CACNA2D3: variants seen among roughly 807,000 people sequenced by gnomAD.
CACNA2D3 encodes the protein calcium voltage-gated channel auxiliary subunit alpha2delta 3, also known as voltage-dependent calcium channel subunit alpha-2/delta-3.
CACNA2D3 carries 60 observed loss-of-function variants against 160.6 expected under a neutral mutation model. The observed-to-expected ratio is 0.37, with a 90% CI of 0.30 to 0.46. The LOEUF is 0.46. Among genes scored for constraint, CACNA2D3 ranks in the 20% least tolerant of loss-of-function variants. The pLI, the probability that CACNA2D3 is intolerant of heterozygous loss-of-function variation, is 1.00. For synonymous variants in CACNA2D3, 558 were observed against 492.9 expected, an observed-to-expected ratio of 1.13 and a Z score of -1.75; for missense variants, 1,205 against 1,365.0, an observed-to-expected ratio of 0.88 and a Z score of 1.85.
At chr3:54,422,749 C>G (rs1699856964) in intron 4 of CACNA2D3, among the ~76,000 whole-genome samples, 1 of 152,168 alleles carries the variant, frequency 6.6e-6, no homozygotes, top group Admixed American at 6.5e-5. Context: ...ACTGCAGATC[C>G]ATTTTGCAGA....
At chr3:55,060,796 A>T (rs1285923220) in intron 35 of CACNA2D3, among the ~76,000 whole-genome samples, 3 of 152,240 alleles carry the variant, frequency 2.0e-5, no homozygotes, top group Admixed American at 6.5e-5. Context: ...TGAAAAACTA[A>T]AATGATAGCC....
chr3:54,808,333 G>T (rs983829036), intron 13 of CACNA2D3, among the ~76,000 whole-genome samples: 3 of 152,150 alleles, frequency 2.0e-5, no homozygotes, highest in African/African-American at 7.2e-5. Context: ...GACACCATGG[G>T]TGCTGAGCTC....
intron 4 of CACNA2D3, among the ~76,000 whole-genome samples, chr3:54,425,369 T>A (rs1325619398): frequency 6.6e-6 from 1 of 152,112 alleles, no homozygotes; most frequent in Non-Finnish European, 1.5e-5. Flanking sequence ...GTCAGAAAGA[T>A]TTAATTTCAA....
At chr3:54,476,679 A>C (rs905147200) in intron 4 of CACNA2D3, among the ~76,000 whole-genome samples, 9 of 152,056 alleles carry the variant, frequency 5.9e-5, no homozygotes, top group African/African-American at 2.2e-4. Flanking sequence ...ACCTTTCCAT[A>C]TACCTGATGA....
chr3:54,847,631 G>T (rs1698964600), intron 17 of CACNA2D3, among the ~76,000 whole-genome samples: 1 of 152,168 alleles, frequency 6.6e-6, no homozygotes, highest in Non-Finnish European at 1.5e-5. Flanking sequence ...GCTTTAAGAT[G>T]GGCCTTATGG....
At chr3:54,969,651 G>T (rs1702228792) in intron 28 of CACNA2D3, 149 bp from the exon 29 acceptor site, 1 of 624,672 alleles carries the variant, frequency 1.6e-6, no homozygotes. Flanking sequence ...ACACATCATG[G>T]AGCATTCCTT....
intron 35 of CACNA2D3, among the ~76,000 whole-genome samples, chr3:55,065,174 A>G (rs759877059): frequency 6.6e-6 from 1 of 152,172 alleles, no homozygotes; most frequent in African/African-American, 2.4e-5. Context: ...AGTGTCTTTT[A>G]GGCACCTACT....
intron 12 of CACNA2D3, among the ~76,000 whole-genome samples, chr3:54,763,509 C>T (rs1702122867): frequency 6.6e-6 from 1 of 151,124 alleles, no homozygotes; most frequent in East Asian, 2.0e-4. Context: ...CCTAGTTTTT[C>T]CCTTGGAAAT....
At chr3:54,246,088 A>G (rs1575341048) in intron 2 of CACNA2D3, among the ~76,000 whole-genome samples, 1 of 152,240 alleles carries the variant, frequency 6.6e-6, no homozygotes, top group East Asian at 1.9e-4. Flanking sequence ...GTTCACTACC[A>G]GACATAACCT....
At chr3:54,452,429 G>T (rs1052820403) in intron 4 of CACNA2D3, among the ~76,000 whole-genome samples, 1 of 152,198 alleles carries the variant, frequency 6.6e-6, no homozygotes, top group Non-Finnish European at 1.5e-5. Flanking sequence ...TGGGGACACA[G>T]CCAAACCATA....
intron 3 of CACNA2D3, among the ~76,000 whole-genome samples, chr3:54,359,635 G>A (rs1407395515): frequency 6.6e-6 from 1 of 152,180 alleles, no homozygotes; most frequent in Non-Finnish European, 1.5e-5. Flanking sequence ...ATGGTCAAAC[G>A]TATTTGAGAA....
chr3:54,807,585 G>T (rs1037716036), intron 13 of CACNA2D3, among the ~76,000 whole-genome samples: 9 of 151,846 alleles, frequency 5.9e-5, no homozygotes, highest in African/African-American at 2.2e-4. Context: ...GGAGAAATAG[G>T]AACACTTTGA....
intron 14 of CACNA2D3, among the ~76,000 whole-genome samples, chr3:54,821,877 G>A (rs1320922390): frequency 1.3e-5 from 2 of 151,800 alleles, no homozygotes; most frequent in African/African-American, 4.8e-5. Flanking sequence ...TCTATACTTC[G>A]AACAGTTGAA....
chr3:54,631,047 C>T (rs1397650525), intron 10 of CACNA2D3, among the ~76,000 whole-genome samples: 1 of 152,018 alleles, frequency 6.6e-6, no homozygotes, highest in Non-Finnish European at 1.5e-5. Flanking sequence ...ACTAAAAATA[C>T]AGAAAAATTA....
intron 5 of CACNA2D3, among the ~76,000 whole-genome samples, chr3:54,524,363 A>T (rs1701692709): frequency 6.6e-6 from 1 of 152,130 alleles, no homozygotes; most frequent in South Asian, 2.1e-4. Context: ...GTCAGAACAT[A>T]CACTTTTGAT....
chr3:54,468,174 A>G (rs1700662377), intron 4 of CACNA2D3, among the ~76,000 whole-genome samples: 1 of 152,212 alleles, frequency 6.6e-6, no homozygotes, highest in African/African-American at 2.4e-5. Context: ...TCCAGTCTGC[A>G]GCCCCCAGCG....
intron 4 of CACNA2D3, among the ~76,000 whole-genome samples, chr3:54,462,600 C>G (rs1411847736): frequency 2.6e-5 from 4 of 152,066 alleles, no homozygotes; most frequent in Admixed American, 6.5e-5. Context: ...ATTGCAACCC[C>G]TGCCTTTTTT....
At chr3:54,485,543 C>T (rs1328695031) in intron 4 of CACNA2D3, among the ~76,000 whole-genome samples, 1 of 151,826 alleles carries the variant, frequency 6.6e-6, no homozygotes, top group Non-Finnish European at 1.5e-5. Context: ...TTATGAAAAC[C>T]CTCCATAGCA....
chr3:54,751,335 T>G (rs1273454429), intron 11 of CACNA2D3, among the ~76,000 whole-genome samples: 1 of 152,182 alleles, frequency 6.6e-6, no homozygotes, highest in East Asian at 1.9e-4. Context: ...CATTTACATA[T>G]CCCTTTAAAT....
Sources: gnomAD v4.1 joint callset for allele counts (sites outside exome capture counted in the v4.1 genomes callset) on GRCh38, gnomAD v4.1.1 for gene constraint, MANE v1.5 for transcripts, NCBI Gene and HGNC (gene_info 2026-07-23, HGNC 2026-07-21) for gene names.